Variants in SPOCK1 observed in about 807,000 individuals in gnomAD.
The protein encoded by SPOCK1 is testican-1.
In SPOCK1, 23 loss-of-function variants were observed where a neutral mutation model predicts 55.3. The observed-to-expected ratio is 0.42, with a 90% CI of 0.30 to 0.59. The LOEUF is 0.59. Among genes scored for constraint, SPOCK1 ranks in the 20% least tolerant of loss-of-function variants. The probability of loss-of-function intolerance (pLI) is 0.22; values close to 1 mark genes in which losing one functional copy is unlikely to be tolerated. For synonymous variants in SPOCK1, 226 were observed against 221.0 expected (o/e 1.02, Z -0.20); for missense variants, 499 against 552.5 (o/e 0.90, Z 0.97).
chr5:137,053,234 G>A (rs1289246378), intron 6 of SPOCK1, among the ~76,000 whole-genome samples: 3 of 152,120 alleles, frequency 2.0e-5, no homozygotes, highest in Non-Finnish European at 2.9e-5. Flanking sequence ...ACAAACCAAG[G>A]TGCACAGGGC....
intron 6 of SPOCK1, chr5:136,993,202 A>T (rs1750980464): frequency 6.6e-6 from 1 of 152,166 alleles, no homozygotes. Flanking sequence ...CCCATCTATA[A>T]CTATTTAGTC....
In SPOCK1 at chr5:137,066,114, C is replaced by T. The variant is rs188724176; in HGVS notation, c.589+1601G>A. On this transcript the variant is annotated intron_variant, in intron 6 of 10. Coordinates refer to ENST00000394945, the MANE Select transcript of SPOCK1 (RefSeq NM_004598.4). ...CATTCACCCTCATTTGTAGATGCTA[C>T]AGGCAAAATAGTGGCAATGACTTTA... Among the ~76,000 whole-genome samples, 241 of 152,238 alleles carry T rather than the reference C, an allele frequency of 1.6e-3. 2 individuals are homozygous for T. The highest frequency in any genetic ancestry group is 5.4e-3 in the African/African-American group (226 of 41,550).
At chr5:137,209,390 G>C (rs1223005369) in intron 3 of SPOCK1, among the ~76,000 whole-genome samples, 1 of 152,204 alleles carries the variant, frequency 6.6e-6, no homozygotes, top group Non-Finnish European at 1.5e-5. Flanking sequence ...TTGCTTGTAA[G>C]CGCAAGTAGA....
chr5:137,393,550 G>C (rs1321963906), intron 2 of SPOCK1, among the ~76,000 whole-genome samples: 3 of 152,196 alleles, frequency 2.0e-5, no homozygotes, highest in Non-Finnish European at 4.4e-5. Context: ...CAGATAGCTG[G>C]TATATACATC....
At chr5:137,250,419 T>C (rs1756486369) in intron 3 of SPOCK1, among the ~76,000 whole-genome samples, 1 of 152,234 alleles carries the variant, frequency 6.6e-6, no homozygotes, top group African/African-American at 2.4e-5. Flanking sequence ...AAAGTAATGA[T>C]GTATGAAATG....
chr5:137,400,974 C>G (rs1751963271), intron 2 of SPOCK1, among the ~76,000 whole-genome samples: 1 of 152,198 alleles, frequency 6.6e-6, no homozygotes, highest in Admixed American at 6.5e-5. Flanking sequence ...CCCGCCCACC[C>G]CTTCATGTGC....
At chr5:137,374,528 CG>C (rs1249522862) in intron 2 of SPOCK1, among the ~76,000 whole-genome samples, 1 of 152,166 alleles carries the variant, frequency 6.6e-6, no homozygotes, top group African/African-American at 2.4e-5. Flanking sequence ...CACTCCAACA[CG>C]CTGTGGCATG....
At chr5:137,099,048 A>G (rs1049107789) in intron 5 of SPOCK1, among the ~76,000 whole-genome samples, 25 of 152,370 alleles carry the variant, frequency 1.6e-4, no homozygotes, top group South Asian at 8.3e-4. Context: ...GACTTTCTTC[A>G]GGAAAGGAGA....
rs367712801 is a variant in SPOCK1 at position 137,381,077 on chromosome 5, C to CA, written c.187-114023dup. 4.0e-3 allele frequency among the ~76,000 whole-genome samples: 577 copies of CA among 144,836 alleles called. 6 individuals carry two copies. The highest frequency in any genetic ancestry group is 0.013 in the African/African-American group (517 of 39,568). ...CCCATTCCAAATGGGAGAAATTGGC[C>CA]AAAAAAAAAAGTGGTTACAGGCCTC... On this transcript the variant is annotated intron_variant, in intron 2 of 10. Transcript: ENST00000394945.
At chr5:137,249,844 T>A (rs1035714853) in intron 3 of SPOCK1, among the ~76,000 whole-genome samples, 1 of 152,190 alleles carries the variant, frequency 6.6e-6, no homozygotes, top group Non-Finnish European at 1.5e-5. Flanking sequence ...GCAAGTAGTA[T>A]TTTTAGTACA....
At chr5:137,188,598 C>G (rs1283284955) in intron 3 of SPOCK1, among the ~76,000 whole-genome samples, 1 of 152,124 alleles carries the variant, frequency 6.6e-6, no homozygotes, top group Non-Finnish European at 1.5e-5. Context: ...ACTGGCTCCT[C>G]CCCCATCTGT....
rs1011364328 is a variant in SPOCK1 at position 136,977,578 on chromosome 5, A to C, written c.*1076T>G. The C allele has an allele frequency of 9.9e-5, 38 of 385,512 alleles. No individual in the cohort carries two copies. Among genetic ancestry groups the C allele is most frequent in the African/African-American group, 7.4e-4 (36 of 48,384 alleles). 23.9% of individuals were successfully genotyped at this position (385,512 alleles called of 1,614,324 possible). ...AACAGGAGATATGTGTGCATGCCTTAGAAAAAGCCCTTGAGTAGGTAAGGA... is the reference window on the plus strand; with the variant it reads ...AACAGGAGATATGTGTGCATGCCTTCGAAAAAGCCCTTGAGTAGGTAAGGA... On this transcript the variant is annotated 3_prime_UTR_variant, in exon 11 of 11. Transcript: ENST00000394945.
At chr5:137,311,790 GT>G (rs1390644263) in intron 2 of SPOCK1, among the ~76,000 whole-genome samples, 1 of 152,016 alleles carries the variant, frequency 6.6e-6, no homozygotes, top group Admixed American at 6.5e-5. Context: ...TTTGTATACT[GT>G]TTTTTAATTA....
intron 6 of SPOCK1, among the ~76,000 whole-genome samples, chr5:137,040,554 G>A (rs1424619990): frequency 6.6e-6 from 1 of 152,242 alleles, no homozygotes; most frequent in East Asian, 1.9e-4. Flanking sequence ...CCATATGACA[G>A]ACCATAGAAG....
chr5:137,491,265 C>T (rs999280592), intron 2 of SPOCK1, among the ~76,000 whole-genome samples: 1 of 152,188 alleles, frequency 6.6e-6, no homozygotes, highest in Non-Finnish European at 1.5e-5. Flanking sequence ...GAGCTTTTCA[C>T]GGAATCAGAG....
chr5:137,286,737 C>G (rs1161264591), intron 2 of SPOCK1, among the ~76,000 whole-genome samples: 2 of 152,120 alleles, frequency 1.3e-5, no homozygotes, highest in Non-Finnish European at 2.9e-5. Context: ...ACCCAGGTAC[C>G]AAGTCTCGGC....
intron 6 of SPOCK1, among the ~76,000 whole-genome samples, chr5:137,041,221 G>T (rs572694095): frequency 6.6e-6 from 1 of 152,166 alleles, no homozygotes; most frequent in African/African-American, 2.4e-5. Context: ...AGGCACAAAA[G>T]CAAGGAAAGG....
intron 5 of SPOCK1, among the ~76,000 whole-genome samples, chr5:137,074,496 C>T (rs944920612): frequency 6.6e-6 from 1 of 152,146 alleles, no homozygotes. Context: ...TGCCAAAATA[C>T]TAACGACTGC....
Position 137,129,276 on chromosome 5 carries a change from T to TC in SPOCK1, c.347+11303dup, listed in dbSNP as rs1753831407. ...GACATAGGGCCTTTGCAGAGGCTGTTCCCTCCACTGAGAACACTTCCTCTC... is the reference window on the plus strand; with the variant it reads ...GACATAGGGCCTTTGCAGAGGCTGTTCCCCTCCACTGAGAACACTTCCTCTC... On this transcript the variant is annotated intron_variant, in intron 4 of 10. Coordinates refer to ENST00000394945, the MANE Select transcript of SPOCK1 (RefSeq NM_004598.4). Among the ~76,000 whole-genome samples, 4 of 152,322 alleles carry TC rather than the reference T, an allele frequency of 2.6e-5. No individual in the cohort carries two copies. The South Asian group carries it at 8.3e-4, about 32-fold the overall frequency.
Sources: gnomAD v4.1 joint callset for allele counts (sites outside exome capture counted in the v4.1 genomes callset) on GRCh38, gnomAD v4.1.1 for gene constraint, MANE v1.5 for transcripts, NCBI Gene and HGNC (gene_info 2026-07-23, HGNC 2026-07-21) for gene names.